Variants in MAST2 observed in about 807,000 individuals in gnomAD.
MAST2 encodes the protein microtubule associated serine/threonine kinase 2, also known as microtubule-associated serine/threonine-protein kinase 2.
In MAST2, 70 loss-of-function variants were observed where a neutral mutation model predicts 147.4. That is an observed-to-expected ratio of 0.47 (90% confidence interval 0.39 to 0.58). The LOEUF (loss-of-function observed/expected upper bound fraction) is 0.58. Among genes scored for constraint, MAST2 ranks in the 20% least tolerant of loss-of-function variants. The pLI is 0.00. For missense variants in MAST2, 2,080 were observed against 2,302.3 expected (o/e 0.90, Z 1.98); for synonymous variants, 869 against 896.8 (o/e 0.97, Z 0.55).
intron 4 of MAST2, chr1:45,917,651 GAGA>G (rs1570706025): frequency 1.4e-6 from 1 of 698,836 alleles, no homozygotes; most frequent in East Asian, 5.6e-5. Flanking sequence ...TTCTGTCACA[GAGA>G]AGAGTAAAAT....
At chr1:45,970,119 T>C (rs1253843044) in intron 5 of MAST2, among the ~76,000 whole-genome samples, 1 of 152,204 alleles carries the variant, frequency 6.6e-6, no homozygotes, top group East Asian at 1.9e-4. Flanking sequence ...AACAGAATGC[T>C]CCGGCGCGTA....
At chr1:45,969,146 C>G (rs528463246) in intron 5 of MAST2, among the ~76,000 whole-genome samples, 1 of 152,112 alleles carries the variant, frequency 6.6e-6, no homozygotes, top group South Asian at 2.1e-4. Context: ...TGAAAAATTC[C>G]TAGTCTGATC....
intron 4 of MAST2, among the ~76,000 whole-genome samples, chr1:45,913,375 T>G (rs938319737): frequency 6.6e-6 from 1 of 152,238 alleles, no homozygotes; most frequent in Non-Finnish European, 1.5e-5. Flanking sequence ...TCTGGGTTAA[T>G]AGTATTTCTG....
intron 4 of MAST2, among the ~76,000 whole-genome samples, chr1:45,890,720 G>T (rs1412632394): frequency 6.6e-6 from 1 of 152,192 alleles, no homozygotes; most frequent in South Asian, 2.1e-4. Context: ...GTGAGGTCAG[G>T]ACCATGTTGT....
intron 4 of MAST2, among the ~76,000 whole-genome samples, chr1:45,911,704 A>T (rs1168449094): frequency 6.6e-6 from 1 of 151,568 alleles, no homozygotes; most frequent in East Asian, 1.9e-4. Context: ...TAATAATTTT[A>T]AAAATAATAA....
chr1:45,911,456 G>C (rs888150863), intron 4 of MAST2, among the ~76,000 whole-genome samples: 5 of 152,160 alleles, frequency 3.3e-5, no homozygotes, highest in Admixed American at 6.5e-5. Context: ...TATATGCAGA[G>C]CAGGCTAGAA....
rs758264911 is a variant in MAST2 at position 46,028,940 on chromosome 1, AC to A, written c.2218+8del. On this transcript the variant is annotated splice_region_variant and intron_variant, in intron 18 of 28. Coordinates refer to ENST00000361297, the MANE Select transcript of MAST2 (RefSeq NM_015112.3). ...TTTGGGCAGGTGATCAGTGGTAGGTACTATGCCCCTGGCCCAGTGGGGAAAC... is the reference window on the plus strand; with the variant it reads ...TTTGGGCAGGTGATCAGTGGTAGGTATATGCCCCTGGCCCAGTGGGGAAAC... The A allele has an allele frequency of 1.9e-6, 3 of 1,561,332 alleles. No homozygotes were observed. Among genetic ancestry groups the A allele is most frequent in the Non-Finnish European group, 2.6e-6 (3 of 1,156,304 alleles).
chr1:45,913,650 T>G (rs1176294352), intron 4 of MAST2: 2 of 1,015,668 alleles, frequency 2.0e-6, no homozygotes, highest in African/African-American at 3.5e-5. Context: ...TTAGGTCTTT[T>G]GTGGGGGGAT....
chr1:45,930,391 T>TG (rs11390945), intron 4 of MAST2, among the ~76,000 whole-genome samples: 3 of 147,164 alleles, frequency 2.0e-5, no homozygotes, highest in Non-Finnish European at 3.0e-5. Context: ...TTTTTTGTTT[T>TG]TTTTGTTTTG....
chr1:46,011,174 ATTAC>A (rs2149238498), intron 10 of MAST2: 1 of 547,934 alleles, frequency 1.8e-6, no homozygotes, highest in South Asian at 2.2e-5. Context: ...CCAAAATTAT[ATTAC>A]TTTGTTGTAT....
Position 46,034,286 on chromosome 1 carries a change from G to C in MAST2, c.3868+20G>C, listed in dbSNP as rs751808812. 3 of 1,600,434 alleles carry C rather than the reference G, an allele frequency of 1.9e-6. No individual in the cohort carries two copies. Among genetic ancestry groups the C allele is most frequent in the Admixed American group, 1.7e-5 (1 of 58,564 alleles). On this transcript the variant is annotated intron_variant, in intron 28 of 28. Coordinates refer to ENST00000361297, the MANE Select transcript of MAST2 (RefSeq NM_015112.3). ...ATTCAGGTACGAAGGGCTCCCTGCA[G>C]ATCAGTGACAACCCCTGGGAAATAG...
At chr1:45,895,118 C>T (rs1648525419) in intron 4 of MAST2, among the ~76,000 whole-genome samples, 1 of 152,198 alleles carries the variant, frequency 6.6e-6, no homozygotes, top group Non-Finnish European at 1.5e-5. Flanking sequence ...TTTGGCACTA[C>T]AGATTAGCTT....
chr1:45,835,459 C>G lies in MAST2; in HGVS notation c.468+5878C>G, dbSNP rs374935090. Among the ~76,000 whole-genome samples, 8 of 152,062 alleles carry G rather than the reference C, an allele frequency of 5.3e-5. No individual in the cohort carries two copies. In the East Asian group the frequency reaches 7.7e-4, roughly 15 times the overall value. ...AACATGATACTGTGATTATAGCAAACTGCTATAATCTTAAACTGAATTGGG... is the reference window on the plus strand; with the variant it reads ...AACATGATACTGTGATTATAGCAAAGTGCTATAATCTTAAACTGAATTGGG... On this transcript the variant is annotated intron_variant, in intron 3 of 28. Transcript: ENST00000361297.
intron 2 of MAST2, among the ~76,000 whole-genome samples, chr1:45,825,945 T>TA (rs1644778520): frequency 6.6e-6 from 1 of 151,828 alleles, no homozygotes; most frequent in South Asian, 2.1e-4. Context: ...GGCATGGTGA[T>TA]ATGTGTCTGT....
chr1:45,841,472 T>C (rs1645274204), intron 3 of MAST2, among the ~76,000 whole-genome samples: 1 of 151,884 alleles, frequency 6.6e-6, no homozygotes, highest in African/African-American at 2.4e-5. Flanking sequence ...ATATATATAA[T>C]TACTGTGATA....
chr1:45,942,521 A>T (rs1657450571), intron 4 of MAST2, among the ~76,000 whole-genome samples: 1 of 152,000 alleles, frequency 6.6e-6, no homozygotes, highest in African/African-American at 2.4e-5. Flanking sequence ...TTTTTTATTT[A>T]TTTTTTAACT....
intron 28 of MAST2, 94 bp from the exon 29 acceptor site, chr1:46,034,444 A>G (rs1338404698): frequency 1.4e-6 from 2 of 1,392,046 alleles, no homozygotes; most frequent in Non-Finnish European, 2.0e-6. Context: ...TTTCTGGGAC[A>G]TAACAGGGCT....
chr1:45,964,642 T>G (rs994017366), intron 5 of MAST2, among the ~76,000 whole-genome samples: 28 of 152,220 alleles, frequency 1.8e-4, no homozygotes, highest in Admixed American at 6.5e-5. Flanking sequence ...AGTCTATCAA[T>G]TTTGTTGATC....
At chr1:45,936,456 G>A (rs960573008) in intron 4 of MAST2, among the ~76,000 whole-genome samples, 1 of 132,678 alleles carries the variant, frequency 7.5e-6, no homozygotes, top group African/African-American at 3.0e-5. Context: ...TTCTCAAGGG[G>A]ACCGTGTTTT....
Sources: allele counts gnomAD v4.1 joint callset (sites outside exome capture counted in the v4.1 genomes callset), GRCh38; gene constraint gnomAD v4.1.1; transcripts MANE v1.5; gene names NCBI Gene and HGNC (gene_info 2026-07-23, HGNC 2026-07-21).